The following BTRC variants were observed in gnomAD, a reference collection of about 807,000 sequenced individuals.
BTRC encodes the protein beta-transducin repeat containing E3 ubiquitin protein ligase, also known as F-box/WD repeat-containing protein 1A.
BTRC carries 42 observed loss-of-function variants against 85.5 expected under a neutral mutation model. The observed-to-expected ratio is 0.49, with a 90% CI of 0.38 to 0.64. The LOEUF is 0.64. Among genes scored for constraint, BTRC ranks in the 30% least tolerant of loss-of-function variants. The probability of loss-of-function intolerance (pLI) is 0.00; values close to 1 mark genes in which losing one functional copy is unlikely to be tolerated. For synonymous variants in BTRC, 255 were observed against 263.3 expected, an observed-to-expected ratio of 0.97 and a Z score of 0.30; for missense variants, 594 against 743.5, an observed-to-expected ratio of 0.80 and a Z score of 2.34.
intron 4 of BTRC, among the ~76,000 whole-genome samples, chr10:101,494,030 T>C (rs1227493035): frequency 2.0e-5 from 3 of 152,192 alleles, no homozygotes; most frequent in Non-Finnish European, 4.4e-5. Context: ...ACTTGGTGAA[T>C]TGAAAGAGGA....
At chr10:101,538,160 A>G in intron 12 of BTRC, 133 bp from the exon 13 acceptor site, 1 of 750,024 alleles carries the variant, frequency 1.3e-6, no homozygotes, top group Non-Finnish European at 2.3e-6. Flanking sequence ...CCTGTTTCTC[A>G]TTTGTAGGTT....
intron 11 of BTRC, among the ~76,000 whole-genome samples, 166 bp from the exon 12 acceptor site, chr10:101,536,377 T>C (rs1044273217): frequency 1.3e-5 from 2 of 152,260 alleles, no homozygotes; most frequent in South Asian, 4.1e-4. Context: ...GTGTGAGTTA[T>C]ATAGCAGAAA....
In BTRC at chr10:101,550,886, G is replaced by C. The variant is rs2062639325; in HGVS notation, c.*26G>C. On this transcript the variant is annotated 3_prime_UTR_variant, in exon 14 of 15. Coordinates refer to ENST00000370187, the MANE Select transcript of BTRC (RefSeq NM_033637.4). ...ATAACCATACACTGACCTCATACTT[G>C]CCCAGGTATCGAAATCGATTATGTA... 5.6e-6 allele frequency: 9 copies of C among 1,596,742 alleles called. No individual in the cohort carries two copies. The highest frequency in any genetic ancestry group is 7.7e-6 in the Non-Finnish European group (9 of 1,166,102).
chr10:101,380,753 A>C (rs553486036), intron 1 of BTRC, among the ~76,000 whole-genome samples: 8 of 152,354 alleles, frequency 5.3e-5, no homozygotes, highest in African/African-American at 1.7e-4. Flanking sequence ...AACTGGTTTC[A>C]AGTCCTGTCT....
At chr10:101,438,368 T>C (rs1042471880) in intron 2 of BTRC, among the ~76,000 whole-genome samples, 2 of 126,564 alleles carry the variant, frequency 1.6e-5, no homozygotes, top group African/African-American at 6.1e-5. Context: ...GAGCTTGCAG[T>C]GAGCCGAGAT....
chr10:101,451,203 C>A (rs1275792098), intron 2 of BTRC, among the ~76,000 whole-genome samples: 2 of 152,078 alleles, frequency 1.3e-5, no homozygotes, highest in African/African-American at 2.4e-5. Flanking sequence ...GAACAGAAAA[C>A]AAAATTCGTA....
chr10:101,476,026 C>G (rs191385083), intron 3 of BTRC, among the ~76,000 whole-genome samples: 1 of 146,232 alleles, frequency 6.8e-6, no homozygotes, highest in Non-Finnish European at 1.5e-5. Context: ...GCTGTATAAT[C>G]AAGGCTAACA....
At chr10:101,477,144 A>AT (rs929439422) in intron 3 of BTRC, among the ~76,000 whole-genome samples, 4 of 151,548 alleles carry the variant, frequency 2.6e-5, no homozygotes, top group African/African-American at 9.7e-5. Context: ...GCCTGGCTAA[A>AT]TTTTTTTATT....
At chr10:101,473,189 T>C (rs1945581422) in intron 3 of BTRC, among the ~76,000 whole-genome samples, 1 of 148,304 alleles carries the variant, frequency 6.7e-6, no homozygotes, top group South Asian at 2.1e-4. Context: ...TCAGTTTATA[T>C]GATTTCAGTT....
At chr10:101,356,128 G>A (rs1325449079) in intron 1 of BTRC, among the ~76,000 whole-genome samples, 2 of 152,018 alleles carry the variant, frequency 1.3e-5, no homozygotes, top group South Asian at 4.1e-4. Context: ...TCAGCCTCCC[G>A]AGTAGCTAGA....
chr10:101,443,992 GTCACTGT>G (rs561935756), intron 2 of BTRC, among the ~76,000 whole-genome samples: 584 of 152,294 alleles, frequency 3.8e-3, no homozygotes, highest in Middle Eastern at 0.017. Flanking sequence ...TTATATACCA[GTCACTGT>G]GCATATAATT....
At chr10:101,489,448 T>C (rs896932313) in intron 4 of BTRC, among the ~76,000 whole-genome samples, 13 of 152,288 alleles carry the variant, frequency 8.5e-5, no homozygotes, top group African/African-American at 2.2e-4. Context: ...TGGGTGTAAA[T>C]ATTCTCCTCT....
chr10:101,450,379 T>C (rs1161834984), intron 2 of BTRC, among the ~76,000 whole-genome samples: 1 of 152,208 alleles, frequency 6.6e-6, no homozygotes, highest in East Asian at 1.9e-4. Flanking sequence ...TGTGATATTT[T>C]CGGTGACTTG....
intron 1 of BTRC, among the ~76,000 whole-genome samples, chr10:101,425,469 G>A (rs1944226016): frequency 6.6e-6 from 1 of 152,102 alleles, no homozygotes; most frequent in African/African-American, 2.4e-5. Flanking sequence ...TGCTGTGCAG[G>A]GCTGGATTTG....
intron 13 of BTRC, among the ~76,000 whole-genome samples, chr10:101,548,307 C>T (rs1347440650): frequency 6.6e-6 from 1 of 152,160 alleles, no homozygotes. Context: ...TTATAATAGC[C>T]ATAAACTATA....
chr10:101,447,652 C>T (rs180833236), intron 2 of BTRC, among the ~76,000 whole-genome samples: 25 of 152,004 alleles, frequency 1.6e-4, no homozygotes, highest in Middle Eastern at 3.4e-3. Context: ...TTGATGATAG[C>T]TAATAACAGA....
chr10:101,461,844 A>G lies in BTRC; in HGVS notation c.157-137A>G. 5.1e-6 allele frequency: 3 copies of G among 586,834 alleles called. No homozygotes were observed. The South Asian group carries it at 6.9e-5, about 14-fold the overall frequency. 36.4% of individuals were successfully genotyped at this position (586,834 alleles called of 1,614,324 possible). On this transcript the variant is annotated intron_variant, in intron 2 of 14. Coordinates refer to ENST00000370187, the MANE Select transcript of BTRC (RefSeq NM_033637.4). ...TTTACATATGTGTATATCTGTATGT[A>G]TACAAATCTTCAAGTGAATAATTGT...
intron 2 of BTRC, among the ~76,000 whole-genome samples, chr10:101,454,124 A>G (rs1945016454): frequency 7.8e-6 from 1 of 127,864 alleles, no homozygotes; most frequent in African/African-American, 2.5e-5. Context: ...AAACAAAACA[A>G]AACTTTTTTT....
At chr10:101,372,927 C>T (rs1423147981) in intron 1 of BTRC, among the ~76,000 whole-genome samples, 1 of 152,082 alleles carries the variant, frequency 6.6e-6, no homozygotes, top group African/African-American at 2.4e-5. Flanking sequence ...ATTGGAATTG[C>T]ATTGAATCCA....
Sources: gnomAD v4.1 joint callset for allele counts (sites outside exome capture counted in the v4.1 genomes callset) on GRCh38, gnomAD v4.1.1 for gene constraint, MANE v1.5 for transcripts, NCBI Gene and HGNC (gene_info 2026-07-23, HGNC 2026-07-21) for gene names.